The following POGLUT1 variants were observed in gnomAD, a reference collection of about 807,000 sequenced individuals.
POGLUT1 encodes protein O-glucosyltransferase 1, also known as 9630046K23Rik.
In POGLUT1, 32 loss-of-function variants were observed where a neutral mutation model predicts 61.3. That is an observed-to-expected ratio of 0.52 (90% CI 0.39 to 0.70). POGLUT1 has a LOEUF of 0.70. Ranked by LOEUF, POGLUT1 falls within the 30% of genes least tolerant of loss-of-function variation. The pLI, the probability that POGLUT1 is intolerant of heterozygous loss-of-function variation, is 0.00. For synonymous variants in POGLUT1, 158 were observed against 158.2 expected (o/e 1.00, Z 0.01); for missense variants, 411 against 469.8 (o/e 0.87, Z 1.16).
In POGLUT1 at chr3:119,490,608, G is replaced by T. The variant is rs368048519; in HGVS notation, c.855G>T (p.Leu285=). The change falls in exon 9 of 11, where the codon CTG becomes CTT. Residue 285 remains leucine, a synonymous_variant. Coordinates refer to ENST00000295588, the MANE Select transcript of POGLUT1 (RefSeq NM_152305.3). ...GTTTCCGGTTTAAACACCTCTTCCT[G>T]TGTGGCTCACTTGTTTTCCATGTTG... ...AASFRFKHLF[L]CGSLVFHVGD... is the part of the protein sequence containing the mutation. The T allele has an allele frequency of 1.2e-5, 19 of 1,613,990 alleles. No individual in the cohort carries two copies. The East Asian group carries it at 1.3e-4, about 11-fold the overall frequency.
intron 10 of POGLUT1, among the ~76,000 whole-genome samples, chr3:119,491,857 C>G (rs1258321084): frequency 6.6e-6 from 1 of 152,064 alleles, no homozygotes; most frequent in Non-Finnish European, 1.5e-5. Flanking sequence ...AAGTTCAAGA[C>G]CAGCCTAGCC....
At chr3:119,485,255 C>T (rs2081651885) in intron 5 of POGLUT1, 73 bp from the exon 6 acceptor site, 1 of 938,114 alleles carries the variant, frequency 1.1e-6, no homozygotes, top group Admixed American at 2.2e-5. Flanking sequence ...AACTAATCTT[C>T]AGAAATGGTT....
At chr3:119,485,560 G>A (rs1020227325) in intron 6 of POGLUT1, among the ~76,000 whole-genome samples, 173 bp downstream of exon 6, 2 of 152,204 alleles carry the variant, frequency 1.3e-5, no homozygotes, top group Non-Finnish European at 1.5e-5. Flanking sequence ...TGCCGAAATC[G>A]CCATTGATTG....
In POGLUT1 at chr3:119,470,147, A is replaced by C. The variant is rs1403566887; in HGVS notation, c.176+237A>C. ...TTCCCACTGGGCTGCAAGCTTCCTG[A>C]GGTCAGGGTCTGTGTCTTATTTGCT... On this transcript the variant is annotated intron_variant, in intron 2 of 10. Transcript: ENST00000295588. Among the ~76,000 whole-genome samples, 6 of 152,314 alleles carry C rather than the reference A, an allele frequency of 3.9e-5. No individual in the cohort carries two copies. The East Asian group carries it at 1.2e-3, about 29-fold the overall frequency.
rs761576797 is a variant in POGLUT1, at chr3:119,490,538, C to CT, written c.798-7dup. 6.2e-7 allele frequency: 1 copy of CT among 1,612,348 alleles called. No individual in the cohort carries two copies. The highest frequency in any genetic ancestry group is 1.1e-5 in the South Asian group (1 of 90,740). ...CATATAGTATCAAATGTATTTTGTT[C>CT]TTTTTTCCCCAGGTATCTGTTTAAT... On this transcript the variant is annotated splice_polypyrimidine_tract_variant and intron_variant, in intron 8 of 10. Coordinates refer to ENST00000295588, the MANE Select transcript of POGLUT1 (RefSeq NM_152305.3).
Position 119,479,912 on chromosome 3 carries a change from G to C in POGLUT1, c.457-139G>C, listed in dbSNP as rs1424893674. 2.0e-6 allele frequency: 3 copies of C among 1,530,666 alleles called. No homozygotes were observed. In the South Asian group the frequency reaches 3.6e-5, roughly 18 times the overall value. The allele number at this position is 1,530,666 out of a possible 1,614,324, so 94.8% of individuals were successfully genotyped here. On this transcript the variant is annotated intron_variant, in intron 4 of 10. Transcript: ENST00000295588. ...TTTGCCTTTTAATGTCTACAGGCTA[G>C]ACTTTGGAAAATAGGGAAAATATAT...
chr3:119,487,581 G>A (rs1319375628), intron 7 of POGLUT1, among the ~76,000 whole-genome samples: 1 of 152,010 alleles, frequency 6.6e-6, no homozygotes, highest in Non-Finnish European at 1.5e-5. Flanking sequence ...GCAAGACTCC[G>A]TCTCAAAAAT....
chr3:119,477,592 A>T, intron 4 of POGLUT1, 144 bp downstream of exon 4: 1 of 716,892 alleles, frequency 1.4e-6, no homozygotes, highest in Non-Finnish European at 2.3e-6. Context: ...CTCTATTAGC[A>T]TCACAGTGAT....
At chr3:119,469,290 G>A (rs2081437681) in intron 1 of POGLUT1, 184 bp downstream of exon 1, 1 of 601,702 alleles carries the variant, frequency 1.7e-6, no homozygotes, top group African/African-American at 1.9e-5. Flanking sequence ...TCCTGCTCTG[G>A]ACCCTGGAGA....
intron 3 of POGLUT1, among the ~76,000 whole-genome samples, chr3:119,475,981 C>CACACACACACACACACACACAG (rs1475354662): frequency 7.9e-6 from 1 of 126,040 alleles, no homozygotes; most frequent in African/African-American, 3.3e-5. Flanking sequence ...CACACACACA[C>CACACACACACACACACACACAG]ACACACACAC....
At position 119,472,970 on chromosome 3, in the gene POGLUT1, G is replaced by A. The variant is rs116036977; in HGVS notation, c.320+1518G>A. On this transcript the variant is annotated intron_variant, in intron 3 of 10. Transcript: ENST00000295588. ...CACCTGAGCCCAGGAGGTCAAGGCT[G>A]CAGTAAGCCTGAGCCGTGATTATGC... is the stretch of plus-strand genomic sequence containing the variant. Among the ~76,000 whole-genome samples, 382 of 152,290 alleles carry A rather than the reference G, an allele frequency of 2.5e-3. 1 individual carries two copies. Among genetic ancestry groups the A allele is most frequent in the African/African-American group, 7.7e-3 (322 of 41,552 alleles).
In POGLUT1 at chr3:119,469,403, A is replaced by G. The variant is rs2081439640; in HGVS notation, c.85+297A>G. On this transcript the variant is annotated intron_variant, in intron 1 of 10. Coordinates refer to ENST00000295588, the MANE Select transcript of POGLUT1 (RefSeq NM_152305.3). ...CTTGGCTACTCTGGACCTGCCTGAA[A>G]CACTGAGGGGTCGGGGATGGGGGCA... 2.5e-5 allele frequency: 14 copies of G among 566,256 alleles called. 1 individual carries two copies. The South Asian group carries it at 2.7e-4, about 11-fold the overall frequency. The allele number at this position is 566,256 out of a possible 1,614,324, so 35.1% of individuals were successfully genotyped here.
intron 5 of POGLUT1, among the ~76,000 whole-genome samples, chr3:119,480,547 CTATT>C (rs1380437796): frequency 6.6e-6 from 1 of 151,758 alleles, no homozygotes; most frequent in African/African-American, 2.4e-5. Context: ...CGCGCCCAGC[CTATT>C]TATTTTTAAG....
At chr3:119,490,442 TG>T (rs2081729563) in intron 8 of POGLUT1, 108 bp from the exon 9 acceptor site, 1 of 933,448 alleles carries the variant, frequency 1.1e-6, no homozygotes, top group East Asian at 2.5e-5. Flanking sequence ...GGAAAGAGAA[TG>T]GAGAGGAATC....
At chr3:119,492,057 A>AAATAAATAAAT (rs2081754538) in intron 10 of POGLUT1, among the ~76,000 whole-genome samples, 2 of 150,386 alleles carry the variant, frequency 1.3e-5, no homozygotes, top group African/African-American at 4.9e-5. Flanking sequence ...TCCGTCTCAA[A>AAATAAATAAAT]AAATAAATAA....
At chr3:119,489,606 G>GAGAAGA (rs2081715366) in intron 8 of POGLUT1, 2 of 151,496 alleles carry the variant, frequency 1.3e-5, no homozygotes, top group East Asian at 3.9e-4. Context: ...AAGAAATGCT[G>GAGAAGA]AGAAGAAGAC....
Position 119,490,780 on chromosome 3 carries a change from C to A in POGLUT1, c.965+62C>A, listed in dbSNP as rs1300099302. The stretch of plus-strand genomic sequence containing the variant: ...CCCTTCCAATCTGCTTTTAAAAATG[C>A]CTTAATGCCTTAAAACCAGTCATGT... On this transcript the variant is annotated intron_variant, in intron 9 of 10. Coordinates refer to ENST00000295588, the MANE Select transcript of POGLUT1 (RefSeq NM_152305.3). 5.0e-6 allele frequency: 7 copies of A among 1,404,758 alleles called. No individual in the cohort carries two copies. The African/African-American group carries it at 8.6e-5, about 17-fold the overall frequency. 87.0% of individuals were successfully genotyped at this position (1,404,758 alleles called of 1,614,324 possible). A position where few individuals can be genotyped will look rare whatever the true frequency, so the allele number is the denominator to read the frequency against.
chr3:119,485,481 G>A, intron 6 of POGLUT1, 94 bp downstream of exon 6: 1 of 699,114 alleles, frequency 1.4e-6, no homozygotes, highest in South Asian at 2.0e-5. Context: ...TAGTTCAAAG[G>A]GAAAGCTAAG....
At chr3:119,478,672 T>C (rs957321488) in intron 4 of POGLUT1, among the ~76,000 whole-genome samples, 6 of 152,228 alleles carry the variant, frequency 3.9e-5, no homozygotes, top group Non-Finnish European at 2.9e-5. Flanking sequence ...ATAGCTGTTA[T>C]GTTTAAGGTG....
Sources: allele counts gnomAD v4.1 joint callset (sites outside exome capture counted in the v4.1 genomes callset), GRCh38; gene constraint gnomAD v4.1.1; transcripts MANE v1.5; gene names NCBI Gene and HGNC (gene_info 2026-07-23, HGNC 2026-07-21).